USP42: variants seen among roughly 807,000 people sequenced by gnomAD.
The protein encoded by USP42 is ubiquitin specific peptidase 42, also known as ubiquitin carboxyl-terminal hydrolase 42.
A neutral mutation model predicts 113.0 loss-of-function variants in USP42; 23 were observed. The observed-to-expected ratio is 0.20, with a 90% CI of 0.15 to 0.29. USP42 has a LOEUF of 0.29. Ranked by LOEUF, USP42 falls within the 10% of genes least tolerant of loss-of-function variation. The pLI, the probability that USP42 is intolerant of heterozygous loss-of-function variation, is 1.00. For missense variants in USP42, 2,174 were observed against 1,779.8 expected (o/e 1.22, Z -3.99); for synonymous variants, 933 against 699.0 (o/e 1.33, Z -5.28).
intron 3 of USP42, among the ~76,000 whole-genome samples, chr7:6,122,545 A>G (rs1053744175): frequency 5.3e-5 from 8 of 150,328 alleles, no homozygotes; most frequent in Non-Finnish European, 7.4e-5. Context: ...TCTCGGCTCA[A>G]CTGCAACCTG....
chr7:6,105,515 C>CAG (rs1373853574), intron 1 of USP42, among the ~76,000 whole-genome samples: 3 of 150,050 alleles, frequency 2.0e-5, no homozygotes. Context: ...GGAGCCCCCT[C>CAG]AGAGCCCCGG....
At chr7:6,097,359 G>T in the USP42 span, among the ~76,000 whole-genome samples, 1 of 148,448 alleles carries the variant, frequency 6.7e-6, no homozygotes, top group Non-Finnish European at 1.5e-5. Flanking sequence ...GGAATTCATG[G>T]CATCTAAAAT....
Position 6,154,576 on chromosome 7 carries a change from C to T in USP42, c.3022C>T (p.Pro1008Ser). The change falls in exon 15 of 18, where the codon CCT becomes TCT. Residue 1008 changes from proline to serine, a missense_variant. By Grantham distance (74) the Pro-to-Ser change is moderately conservative. Coordinates refer to ENST00000306177, the MANE Select transcript of USP42 (RefSeq NM_032172.3). ...CCCCGGCCACGGCGACAGGCTCAGC[C>T]CTGGCGAGCGCCGCTCTCTGGGCAG... Reference protein sequence around the residue: ...HHPGHGDRLSPGERRSLGRCS... With the variant: ...HHPGHGDRLSSGERRSLGRCS... The T allele has an allele frequency of 8.3e-6, 13 of 1,561,554 alleles. No homozygotes were observed. Among genetic ancestry groups the T allele is most frequent in the Non-Finnish European group, 1.1e-5 (13 of 1,155,626 alleles).
chr7:6,097,385 C>CTTTTT, the USP42 span, among the ~76,000 whole-genome samples: 7 of 129,268 alleles, frequency 5.4e-5, no homozygotes, highest in Non-Finnish European at 1.1e-4. Flanking sequence ...CCCTGTGGGT[C>CTTTTT]CTTTTTTTTT....
At position 6,149,769 on chromosome 7, in the gene USP42, A is replaced by T. The variant is rs1172033485; in HGVS notation, c.1573A>T (p.Ser525Cys). The change falls in exon 13 of 18, where the codon AGT becomes TGT. Residue 525 changes from serine to cysteine, a missense_variant. Transcript: ENST00000306177. The part of the protein sequence containing the change: ...EHPKKQKITI[S>C]IHNKLPVRQC... ...TCCTAAGAAACAAAAAATTACAATC[A>T]GTATTCACAACAAGTTGCCTGTTCG... 3.1e-6 allele frequency: 5 copies of T among 1,614,020 alleles called. No homozygotes were observed. The highest frequency in any genetic ancestry group is 3.3e-5 in the Admixed American group (2 of 60,020).
In USP42 at chr7:6,148,064, G is replaced by A. The variant is rs1045653483; in HGVS notation, c.1386+172G>A. 3.9e-5 allele frequency among the ~76,000 whole-genome samples: 6 copies of A among 152,170 alleles called. No individual in the cohort carries two copies. In the South Asian group the frequency reaches 6.2e-4, roughly 16 times the overall value. On this transcript the variant is annotated intron_variant, in intron 12 of 17. Transcript: ENST00000306177. ...TCAAATATACAGAAAACGGCCGAGC[G>A]CAGTGGCTCAAGCTTGTAATCCCAG... is the stretch of plus-strand genomic sequence containing the variant.
chr7:6,122,481 T>C (rs983238109), intron 3 of USP42, among the ~76,000 whole-genome samples: 5 of 151,974 alleles, frequency 3.3e-5, no homozygotes, highest in Non-Finnish European at 7.4e-5. Context: ...TGTTTGTTTG[T>C]TTGTTTTGAG....
Position 6,156,960 on chromosome 7 carries a change from CG to C in USP42, c.3849del (p.Pro1284LeufsTer44). ...GGTGGCTTTCCTCTCTCTGGTGGCCCGCCTCTGGAAGGCGTCGGACCTTTCC... is the reference window on the plus strand; with the variant it reads ...GGTGGCTTTCCTCTCTCTGGTGGCCCCCTCTGGAAGGCGTCGGACCTTTCC... Reference protein sequence around the residue: ...AQGGFPLSGGPPLEGVGPFRE... With the variant: ...AQGGFPLSGGXPLEGVGPFRE... On this transcript the variant is annotated frameshift_variant, in exon 16 of 18. Transcript: ENST00000306177. LOFTEE classifies it high-confidence loss of function. 1.2e-6 allele frequency: 2 copies of C among 1,613,814 alleles called. No homozygotes were observed. Among genetic ancestry groups the C allele is most frequent in the South Asian group, 2.2e-5 (2 of 91,048 alleles).
intron 4 of USP42, among the ~76,000 whole-genome samples, chr7:6,136,876 C>G (rs373488454): frequency 1.3e-5 from 2 of 151,028 alleles, no homozygotes; most frequent in Non-Finnish European, 2.9e-5. Context: ...ACTCCTGGCT[C>G]AAGTGATCCT....
rs139616246 is a variant in USP42, at chr7:6,148,381, A to G, written c.1386+489A>G. On this transcript the variant is annotated intron_variant, in intron 12 of 17. Transcript: ENST00000306177. Reference sequence around the variant, plus strand: ...AACAAAAACCCCAAAATATACAGCAAACCTCACCAATGGGGAGGAAAGAGG... The same window carrying G: ...AACAAAAACCCCAAAATATACAGCAGACCTCACCAATGGGGAGGAAAGAGG... Among the ~76,000 whole-genome samples, 100 of 152,288 alleles carry G rather than the reference A, an allele frequency of 6.6e-4. 2 individuals carry two copies. The East Asian group carries it at 8.1e-3, about 12-fold the overall frequency.
At chr7:6,118,843 A>G (rs982322944) in intron 3 of USP42, among the ~76,000 whole-genome samples, 1 of 152,104 alleles carries the variant, frequency 6.6e-6, no homozygotes, top group Non-Finnish European at 1.5e-5. Context: ...AATACGATCT[A>G]TTTCTGGACT....
rs762450809 is a variant in USP42 at position 6,139,989 on chromosome 7, C to T, written c.657-139C>T. 95 of 824,696 alleles carry T rather than the reference C, an allele frequency of 1.2e-4. No individual in the cohort carries two copies. Among genetic ancestry groups the T allele is most frequent in the African/African-American group, 2.0e-4 (12 of 59,636 alleles). The allele number at this position is 824,696 out of a possible 1,614,324, so 51.1% of individuals were successfully genotyped here. ...GAAGGGATGCTCTTGGGCTGCCACA[C>T]GTGCCATCCTTTTATTTTCCATGGC... On this transcript the variant is annotated intron_variant, in intron 5 of 17. Transcript: ENST00000306177. This position sits in a 1 kb window ranked among gnomAD's most constrained non-coding sequence, Gnocchi z 4.5.
chr7:6,116,656 A>G, intron 3 of USP42: 1 of 436,954 alleles, frequency 2.3e-6, no homozygotes, highest in South Asian at 1.8e-5. Context: ...GAGCCAAGTA[A>G]TGCTTGTAAA....
upstream of USP42, among the ~76,000 whole-genome samples, chr7:6,103,942 G>A (rs1447370706): frequency 6.6e-6 from 1 of 151,018 alleles, no homozygotes; most frequent in African/African-American, 2.5e-5. Context: ...AAATTAAGTG[G>A]GCGTGGTAGC....
In USP42 at chr7:6,155,194, A is replaced by G; in HGVS notation, c.3640A>G (p.Arg1214Gly). ...SKDKHRDRDSRHQQDSDLSAA... is the reference protein window; with the variant it reads ...SKDKHRDRDSGHQQDSDLSAA... Reference sequence around the variant, plus strand: ...AGACAAACACCGAGACCGCGACTCCAGGTGAGCCTGGGGCCTTGTGCTCCC... The same window carrying G: ...AGACAAACACCGAGACCGCGACTCCGGGTGAGCCTGGGGCCTTGTGCTCCC... The change falls in exon 15 of 18, where the codon AGG becomes GGG. Residue 1214 changes from arginine to glycine, a missense_variant and splice_region_variant. Arg to Gly is a moderately radical substitution (Grantham distance 125). Transcript: ENST00000306177. 1.3e-6 allele frequency: 2 copies of G among 1,528,038 alleles called. No homozygotes were observed. The highest frequency in any genetic ancestry group is 1.7e-6 in the Non-Finnish European group (2 of 1,143,328). The allele number at this position is 1,528,038 out of a possible 1,614,324, so 94.7% of individuals were successfully genotyped here.
chr7:6,148,439 G>A (rs2128513393), intron 12 of USP42, among the ~76,000 whole-genome samples: 1 of 152,322 alleles, frequency 6.6e-6, no homozygotes, highest in South Asian at 2.1e-4. Flanking sequence ...TAAATTTTAG[G>A]TCCCCTCTGG....
intron 2 of USP42, 112 bp from the exon 3 acceptor site, chr7:6,115,211 T>A: frequency 9.9e-7 from 1 of 1,014,384 alleles, no homozygotes; most frequent in East Asian, 2.4e-5. Flanking sequence ...TCAGGTAGGC[T>A]GGTCATGAGA....
intron 3 of USP42, among the ~76,000 whole-genome samples, chr7:6,121,968 C>T (rs1490099605): frequency 2.0e-5 from 3 of 152,150 alleles, no homozygotes; most frequent in East Asian, 1.9e-4. Context: ...TCTCCTTTTT[C>T]GTTTGATCAA....
At chr7:6,121,575 T>C (rs1367473535) in intron 3 of USP42, among the ~76,000 whole-genome samples, 1 of 152,230 alleles carries the variant, frequency 6.6e-6, no homozygotes, top group Non-Finnish European at 1.5e-5. Flanking sequence ...TTGATGTTAT[T>C]TCTTCTTTAA....
Sources: allele counts gnomAD v4.1 joint callset (sites outside exome capture counted in the v4.1 genomes callset), GRCh38; gene constraint gnomAD v4.1.1; non-coding constraint Gnocchi (gnomAD v3.1); transcripts MANE v1.5; gene names NCBI Gene and HGNC (gene_info 2026-07-23, HGNC 2026-07-21).